The following SOX5 variants were observed in gnomAD, a reference collection of about 807,000 sequenced individuals.
SOX5 encodes the protein SRY-box transcription factor 5, also known as transcription factor SOX-5.
In SOX5, 9 loss-of-function variants were observed where a neutral mutation model predicts 92.0. The observed-to-expected ratio is 0.10, with a 90% CI of 0.06 to 0.17. SOX5 has a LOEUF of 0.17. Among genes scored for constraint, SOX5 ranks in the 10% least tolerant of loss-of-function variants. The pLI is 1.00. For synonymous variants in SOX5, 344 were observed against 336.3 expected, an observed-to-expected ratio of 1.02 and a Z score of -0.25; for missense variants, 642 against 944.5, an observed-to-expected ratio of 0.68 and a Z score of 4.20.
chr12:23,644,254 G>A (rs2080528481), intron 7 of SOX5, among the ~76,000 whole-genome samples: 1 of 152,182 alleles, frequency 6.6e-6, no homozygotes, highest in Non-Finnish European at 1.5e-5. Context: ...AATGAGGCAT[G>A]CCAACAGTTA....
intron 11 of SOX5, among the ~76,000 whole-genome samples, chr12:23,558,190 A>G (rs2136269444): frequency 6.6e-6 from 1 of 152,256 alleles, no homozygotes; most frequent in African/African-American, 2.4e-5. Context: ...ATTACCTTTG[A>G]TCTGAAGATA....
At chr12:23,932,526 A>G (rs948057765) in intron 1 of SOX5, among the ~76,000 whole-genome samples, 1 of 151,696 alleles carries the variant, frequency 6.6e-6, no homozygotes, top group African/African-American at 2.4e-5. Context: ...GAATGACCTT[A>G]TATTAGGTAT....
intron 4 of SOX5, among the ~76,000 whole-genome samples, chr12:24,085,256 C>T (rs10505933): frequency 0.27 from 41,414 of 151,966 alleles, 6,344 homozygotes; most frequent in East Asian, 0.63. Context: ...CAATGGAATA[C>T]CTTTGGGCCA....
intron 1 of SOX5, among the ~76,000 whole-genome samples, chr12:24,443,096 C>T (rs1029837081): frequency 1.3e-4 from 19 of 151,686 alleles, no homozygotes; most frequent in Non-Finnish European, 2.2e-4. Flanking sequence ...GGACTAAGGG[C>T]GCACACTGCA....
In SOX5 at chr12:23,603,310, A is replaced by G. The variant is rs571906447; in HGVS notation, c.1164+1077T>C. On this transcript the variant is annotated intron_variant, in intron 9 of 14. Coordinates refer to ENST00000451604, the MANE Select transcript of SOX5 (RefSeq NM_006940.6). ...GATTTTTCTCTTTTAATATTTTCTAATCCTTTTCTCTGTGTATTTCAATGA... is the reference window on the plus strand; with the variant it reads ...GATTTTTCTCTTTTAATATTTTCTAGTCCTTTTCTCTGTGTATTTCAATGA... 2.0e-5 allele frequency among the ~76,000 whole-genome samples: 3 copies of G among 151,420 alleles called. No individual in the cohort carries two copies. The East Asian group carries it at 5.8e-4, about 29-fold the overall frequency.
At chr12:24,240,135 T>C (rs1333673646) in intron 3 of SOX5, among the ~76,000 whole-genome samples, 2 of 152,210 alleles carry the variant, frequency 1.3e-5, no homozygotes, top group Non-Finnish European at 2.9e-5. Flanking sequence ...TGTATTAATA[T>C]TAAACTATCT....
At chr12:24,532,132 T>A (rs968168820) in intron 1 of SOX5, among the ~76,000 whole-genome samples, 17 of 152,286 alleles carry the variant, frequency 1.1e-4, no homozygotes, top group African/African-American at 3.6e-4. Flanking sequence ...TAGAAAATAA[T>A]CCATTTAAGG....
chr12:24,252,965 C>G (rs1243147106), intron 3 of SOX5, among the ~76,000 whole-genome samples: 2 of 152,142 alleles, frequency 1.3e-5, no homozygotes, highest in Admixed American at 1.3e-4. Context: ...TGAGAGCACA[C>G]AATGGGCACA....
rs183419110 is a variant in SOX5 at position 24,057,026 on chromosome 12, T to C, written c.-2+156317A>G. Among the ~76,000 whole-genome samples, 12 of 136,378 alleles carry C rather than the reference T, an allele frequency of 8.8e-5. No individual in the cohort carries two copies. In the East Asian group the frequency reaches 2.5e-3, roughly 28 times the overall value. 89.5% of individuals were successfully genotyped at this position (136,378 alleles called of 152,430 possible). A position where few individuals can be genotyped will look rare whatever the true frequency, so the allele number is the denominator to read the frequency against. ...AAAAAAAAGAAAGTAAGTAAGTAAA[T>C]GGCCTCTCTGTTCATGTTACAAATC... On this transcript the variant is annotated intron_variant, in intron 4 of 4. Transcript: ENST00000446891.
intron 4 of SOX5, among the ~76,000 whole-genome samples, chr12:24,021,798 T>C (rs918412711): frequency 1.3e-5 from 2 of 152,170 alleles, no homozygotes; most frequent in South Asian, 4.1e-4. Flanking sequence ...TCCAATGTGA[T>C]GTGGCAAAAT....
intron 1 of SOX5, among the ~76,000 whole-genome samples, chr12:24,371,537 T>C (rs746492470): frequency 2.6e-5 from 4 of 152,260 alleles, no homozygotes; most frequent in Non-Finnish European, 5.9e-5. Flanking sequence ...GCAAGTCTTA[T>C]ATCAACTTCT....
chr12:23,934,131 T>C (rs1344406146), intron 1 of SOX5, among the ~76,000 whole-genome samples: 3 of 151,516 alleles, frequency 2.0e-5, no homozygotes, highest in Non-Finnish European at 3.0e-5. Flanking sequence ...GTAATACTTC[T>C]GTTGAAGACA....
At chr12:23,771,043 T>C (rs1265435909) in intron 3 of SOX5, among the ~76,000 whole-genome samples, 1 of 151,954 alleles carries the variant, frequency 6.6e-6, no homozygotes, top group Non-Finnish European at 1.5e-5. Flanking sequence ...TACTCAAAAA[T>C]CCATTTTTGT....
intron 4 of SOX5, among the ~76,000 whole-genome samples, chr12:23,748,843 A>G (rs1332159370): frequency 1.3e-5 from 2 of 151,948 alleles, no homozygotes; most frequent in South Asian, 2.1e-4. Context: ...TTGCCTTTTA[A>G]TATTCCGCCT....
chr12:23,880,181 A>G (rs1296726938), intron 2 of SOX5, among the ~76,000 whole-genome samples: 2 of 152,326 alleles, frequency 1.3e-5, no homozygotes, highest in East Asian at 3.9e-4. Flanking sequence ...GTAAGTGCAT[A>G]TATCACACAG....
intron 8 of SOX5, among the ~76,000 whole-genome samples, chr12:23,611,372 G>A (rs944603964): frequency 1.1e-5 from 1 of 88,544 alleles, no homozygotes; most frequent in Non-Finnish European, 2.6e-5. Context: ...GTGTGTGCGT[G>A]TGTGTGTGTG....
chr12:23,965,754 G>A (rs994945001), intron 4 of SOX5, among the ~76,000 whole-genome samples: 1 of 152,058 alleles, frequency 6.6e-6, no homozygotes, highest in Non-Finnish European at 1.5e-5. Flanking sequence ...TAGTAGCTGG[G>A]ACTACAGGCG....
At chr12:23,963,614 C>T (rs577288687) in intron 4 of SOX5, among the ~76,000 whole-genome samples, 4 of 151,904 alleles carry the variant, frequency 2.6e-5, no homozygotes, top group Non-Finnish European at 4.4e-5. Flanking sequence ...TTACAACAAC[C>T]GACTAAATCC....
chr12:23,951,540 T>C (rs1377680406), upstream of SOX5, among the ~76,000 whole-genome samples: 2 of 152,186 alleles, frequency 1.3e-5, no homozygotes, highest in Non-Finnish European at 2.9e-5. Context: ...AAATCAATTA[T>C]GAACTTATAT....
Sources: gnomAD v4.1 joint callset for allele counts (sites outside exome capture counted in the v4.1 genomes callset) on GRCh38, gnomAD v4.1.1 for gene constraint, MANE v1.5 for transcripts, NCBI Gene and HGNC (gene_info 2026-07-23, HGNC 2026-07-21) for gene names.